Variants in CACNA1C observed in about 807,000 individuals in gnomAD.
CACNA1C encodes calcium voltage-gated channel subunit alpha1 C.
A neutral mutation model predicts 229.0 loss-of-function variants in CACNA1C; 30 were observed. That is an observed-to-expected ratio of 0.13 (90% CI 0.10 to 0.18). The LOEUF is 0.18. Ranked by LOEUF, CACNA1C falls within the 10% of genes least tolerant of loss-of-function variation. The probability of loss-of-function intolerance (pLI) is 1.00; values close to 1 mark genes in which losing one functional copy is unlikely to be tolerated. For synonymous variants in CACNA1C, 1,114 were observed against 1,132.5 expected (o/e 0.98, Z 0.33); for missense variants, 1,658 against 2,845.0 (o/e 0.58, Z 9.49).
intron 11 of CACNA1C, among the ~76,000 whole-genome samples, chr12:2,565,413 G>A (rs2050172303): frequency 6.7e-6 from 1 of 149,624 alleles, no homozygotes; most frequent in Non-Finnish European, 1.5e-5. Context: ...CTTGCAGTGA[G>A]CCGAGATTGC....
Position 2,584,387 on chromosome 12 carries a change from C to G in CACNA1C, c.2225-116C>G, listed in dbSNP as rs537650438. On this transcript the variant is annotated intron_variant, in intron 15 of 46. Transcript: ENST00000399655. ...GGTCTGACTCCCTCAAATTGCTTCC[C>G]CCTCAAGCTCTCTCTGCTGAGGAGC... 37 of 687,770 alleles carry G rather than the reference C, an allele frequency of 5.4e-5. No homozygotes were observed. In the East Asian group the frequency reaches 1.0e-3, roughly 19 times the overall value. 42.6% of individuals were successfully genotyped at this position (687,770 alleles called of 1,614,324 possible).
At chr12:1,985,988 T>G (rs1328457554) in intron 1 of CACNA1C, among the ~76,000 whole-genome samples, 1 of 152,108 alleles carries the variant, frequency 6.6e-6, no homozygotes, top group Non-Finnish European at 1.5e-5. Flanking sequence ...TTTTGTTTTG[T>G]ATTTTTAGTA....
chr12:2,337,435 C>T (rs1413759839), intron 3 of CACNA1C, among the ~76,000 whole-genome samples: 1 of 152,226 alleles, frequency 6.6e-6, no homozygotes, highest in East Asian at 1.9e-4. Context: ...GCCCTCCAGC[C>T]TCGCCACAGT....
chr12:2,605,536 C>T lies in CACNA1C; in HGVS notation c.3049-143C>T, dbSNP rs2074919079. ...GCATCCCATTAGGGTCCATCACTTCCCATGTGACTTTGGGAGCGTGGCTTT... is the reference window on the plus strand; with the variant it reads ...GCATCCCATTAGGGTCCATCACTTCTCATGTGACTTTGGGAGCGTGGCTTT... On this transcript the variant is annotated intron_variant, in intron 23 of 46. Transcript: ENST00000399655. The surrounding 1 kb of genome is among the most constrained non-coding windows in gnomAD (Gnocchi z 6.2). 8.8e-6 allele frequency: 6 copies of T among 685,248 alleles called. No homozygotes were observed. Among genetic ancestry groups the T allele is most frequent in the East Asian group, 2.7e-5 (1 of 36,646 alleles). The allele number at this position is 685,248 out of a possible 1,614,324, so 42.4% of individuals were successfully genotyped here.
At chr12:2,002,443 CCT>C (rs1377177687) in intron 1 of CACNA1C, among the ~76,000 whole-genome samples, 2 of 152,128 alleles carry the variant, frequency 1.3e-5, no homozygotes, top group African/African-American at 2.4e-5. Context: ...TGAATTATGC[CCT>C]GTCTGAAGGC....
chr12:2,550,696 G>A, intron 10 of CACNA1C: 1 of 1,302,624 alleles, frequency 7.7e-7, no homozygotes, highest in Non-Finnish European at 1.0e-6. Flanking sequence ...TCCACCTGGG[G>A]GGCGGGGCAG....
intron 1 of CACNA1C, among the ~76,000 whole-genome samples, chr12:2,017,856 C>A (rs1369496608): frequency 6.6e-6 from 1 of 152,080 alleles, no homozygotes; most frequent in Non-Finnish European, 1.5e-5. Flanking sequence ...AAGAAGAGCC[C>A]AGCGGGAGGC....
intron 5 of CACNA1C, among the ~76,000 whole-genome samples, chr12:2,480,092 A>G (rs897351965): frequency 6.6e-6 from 1 of 152,242 alleles, no homozygotes; most frequent in African/African-American, 2.4e-5. Context: ...TCCTGAAAGT[A>G]AAAGTGATAT....
At chr12:2,042,441 G>A (rs1003362919) in intron 1 of CACNA1C, among the ~76,000 whole-genome samples, 5 of 152,058 alleles carry the variant, frequency 3.3e-5, no homozygotes, top group East Asian at 1.9e-4. Flanking sequence ...TGAGCTTTTC[G>A]AGGTAATTCT....
At chr12:2,430,922 T>A (rs943539642) in intron 3 of CACNA1C, among the ~76,000 whole-genome samples, 1 of 151,742 alleles carries the variant, frequency 6.6e-6, no homozygotes, top group East Asian at 1.9e-4. Context: ...TGACTCCATG[T>A]CCCAGTACCC....
chr12:2,401,630 T>TA (rs1309054701), intron 3 of CACNA1C, among the ~76,000 whole-genome samples: 5 of 152,224 alleles, frequency 3.3e-5, no homozygotes, highest in Non-Finnish European at 5.9e-5. Flanking sequence ...CTCTTCCACT[T>TA]ATAGCTTTGT....
At chr12:2,179,624 G>T (rs528481977) in intron 3 of CACNA1C, among the ~76,000 whole-genome samples, 5 of 152,342 alleles carry the variant, frequency 3.3e-5, no homozygotes, top group African/African-American at 1.2e-4. Flanking sequence ...CTCCAGACCT[G>T]AGTCTCAAAG....
At chr12:2,676,017 G>GTTTTATTGAATCCTGACAACA (rs1259011507) in intron 39 of CACNA1C, 10 of 152,200 alleles carry the variant, frequency 6.6e-5, no homozygotes, top group Admixed American at 5.9e-4. Context: ...TACATACATC[G>GTTTTATTGAATCCTGACAACA]TTTTATTGAA....
chr12:2,339,093 A>G (rs1351866477), intron 3 of CACNA1C, among the ~76,000 whole-genome samples: 1 of 152,254 alleles, frequency 6.6e-6, no homozygotes, highest in Non-Finnish European at 1.5e-5. Context: ...TGATTTCATC[A>G]TATGTGAACA....
intron 3 of CACNA1C, among the ~76,000 whole-genome samples, chr12:2,223,878 G>T (rs2062136827): frequency 6.6e-6 from 1 of 152,156 alleles, no homozygotes; most frequent in South Asian, 2.1e-4. Flanking sequence ...AATAATTATT[G>T]AGTAAATGAT....
rs536509896 is a variant in CACNA1C at position 2,504,406 on chromosome 12, T to C, written c.1114-436T>C. On this transcript the variant is annotated intron_variant, in intron 7 of 46. Transcript: ENST00000399655. The surrounding 1 kb of genome is among the most constrained non-coding windows in gnomAD (Gnocchi z 6.8). ...CTTTGCTGTAACCCAATTCTGCTTC[T>C]TCTTTCCTAACTTTCCTTCGTCTTT... 1 of 1,352,932 alleles carries C rather than the reference T, an allele frequency of 7.4e-7. No homozygotes were observed. Among genetic ancestry groups the C allele is most frequent in the Non-Finnish European group, 1.1e-6 (1 of 942,200 alleles). 83.8% of individuals were successfully genotyped at this position (1,352,932 alleles called of 1,614,324 possible).
chr12:2,205,831 T>A (rs758172), intron 3 of CACNA1C, among the ~76,000 whole-genome samples: 51,816 of 152,034 alleles, frequency 0.34, 9,318 homozygotes, highest in South Asian at 0.39. Context: ...TGGTGTCTGG[T>A]GAGGGCCTTC....
intron 12 of CACNA1C, among the ~76,000 whole-genome samples, chr12:2,567,051 A>T (rs1568465989): frequency 6.6e-6 from 1 of 152,226 alleles, no homozygotes. Flanking sequence ...CATTCTCATT[A>T]TCCTTCCTTG....
intron 9 of CACNA1C, among the ~76,000 whole-genome samples, chr12:2,534,670 G>A (rs1450621053): frequency 6.6e-6 from 1 of 152,064 alleles, no homozygotes; most frequent in Non-Finnish European, 1.5e-5. Context: ...CATCTCTCCA[G>A]ATAGCCAGGC....
Sources: allele counts gnomAD v4.1 joint callset (sites outside exome capture counted in the v4.1 genomes callset), GRCh38; gene constraint gnomAD v4.1.1; non-coding constraint Gnocchi (gnomAD v3.1); transcripts MANE v1.5; gene names NCBI Gene and HGNC (gene_info 2026-07-23, HGNC 2026-07-21).